BRINP1: variants seen among roughly 807,000 people sequenced by gnomAD.
BRINP1 encodes BMP/retinoic acid-inducible neural-specific protein 1.
BRINP1 carries 17 observed loss-of-function variants against 72.9 expected under a neutral mutation model. The observed-to-expected ratio is 0.23, with a 90% CI of 0.16 to 0.35. The LOEUF is 0.35. Ranked by LOEUF, BRINP1 falls within the 10% of genes least tolerant of loss-of-function variation. The pLI, the probability that BRINP1 is intolerant of heterozygous loss-of-function variation, is 1.00. For synonymous variants in BRINP1, 418 were observed against 378.5 expected (o/e 1.10, Z -1.21); for missense variants, 850 against 1,001.6 (o/e 0.85, Z 2.04).
chr9:119,250,049 A>G (rs1164426743), intron 2 of BRINP1, among the ~76,000 whole-genome samples: 265 of 68,868 alleles, frequency 3.8e-3, no homozygotes, highest in African/African-American at 0.012. Context: ...AAGGAGAGAG[A>G]GAGGGAGGGA....
In BRINP1 at chr9:119,245,759, C is replaced by T. The variant is rs947328749; in HGVS notation, c.409+3201G>A. On this transcript the variant is annotated intron_variant, in intron 3 of 7. Coordinates refer to ENST00000265922, the MANE Select transcript of BRINP1 (RefSeq NM_014618.3). The stretch of plus-strand genomic sequence containing the variant: ...GCATCTTTTAGTATTTGATTATCCC[C>T]TTGTGAACTTACCTGACATGTCGAA... Among the ~76,000 whole-genome samples, 4 of 152,150 alleles carry T rather than the reference C, an allele frequency of 2.6e-5. No homozygotes were observed. In the East Asian group the frequency reaches 5.8e-4, roughly 22 times the overall value.
At chr9:119,254,872 T>A (rs1724123378) in intron 2 of BRINP1, among the ~76,000 whole-genome samples, 1 of 152,218 alleles carries the variant, frequency 6.6e-6, no homozygotes, top group African/African-American at 2.4e-5. Context: ...ATTTGGCCTA[T>A]GGGAAATATG....
At chr9:119,249,727 C>G (rs570951400) in intron 2 of BRINP1, among the ~76,000 whole-genome samples, 28 of 151,752 alleles carry the variant, frequency 1.8e-4, no homozygotes, top group African/African-American at 6.8e-4. Flanking sequence ...TAGGCACTCC[C>G]TAACCCAGCC....
At chr9:119,323,950 C>A (rs1294689916) in intron 1 of BRINP1, among the ~76,000 whole-genome samples, 1 of 86,718 alleles carries the variant, frequency 1.2e-5, no homozygotes, top group Non-Finnish European at 3.3e-5. Context: ...AGAGGTGAAC[C>A]CCCCAAATTT....
chr9:119,202,806 A>G (rs1481273724), intron 7 of BRINP1, among the ~76,000 whole-genome samples: 1 of 152,144 alleles, frequency 6.6e-6, no homozygotes, highest in Non-Finnish European at 1.5e-5. Flanking sequence ...GTGGTCCGGA[A>G]TTATCTTGTT....
Position 119,367,221 on chromosome 9 carries a change from G to GATATATATATATATATATACATATAT in BRINP1, c.-51+1834_-51+1835insATATATGTATATATATATATATATAT, listed in dbSNP as rs10527650. Among the ~76,000 whole-genome samples, 5 of 99,850 alleles carry GATATATATATATATATATACATATAT rather than the reference G, an allele frequency of 5.0e-5. 1 individual carries two copies. Among genetic ancestry groups the GATATATATATATATATATACATATAT allele is most frequent in the African/African-American group, 1.9e-4 (5 of 25,954 alleles). 65.5% of individuals were successfully genotyped at this position (99,850 alleles called of 152,430 possible). Reference sequence around the variant, plus strand: ...TGTGTGTGTGTGTGTGTGTGTGATTGATATATATATATATATATATATCTT... The same window carrying GATATATATATATATATATACATATAT: ...TGTGTGTGTGTGTGTGTGTGTGATTGATATATATATATATATATACATATATATATATATATATATATATATATCTT... On this transcript the variant is annotated intron_variant, in intron 1 of 7. Coordinates refer to ENST00000265922, the MANE Select transcript of BRINP1 (RefSeq NM_014618.3).
intron 7 of BRINP1, among the ~76,000 whole-genome samples, chr9:119,207,442 A>G (rs1829870451): frequency 6.6e-6 from 1 of 152,088 alleles, no homozygotes; most frequent in Admixed American, 6.5e-5. Flanking sequence ...TTTTGCATCA[A>G]CCTAAAATAG....
intron 3 of BRINP1, among the ~76,000 whole-genome samples, chr9:119,244,899 C>T (rs1179447787): frequency 6.6e-6 from 1 of 152,136 alleles, no homozygotes; most frequent in Non-Finnish European, 1.5e-5. Flanking sequence ...GAAAAGGGGA[C>T]TCTCAAAGGG....
chr9:119,193,259 C>A (rs1230742872), intron 7 of BRINP1, among the ~76,000 whole-genome samples: 1 of 151,996 alleles, frequency 6.6e-6, no homozygotes, highest in Non-Finnish European at 1.5e-5. Context: ...TGATATCCTA[C>A]TGTTTGTTAC....
chr9:119,189,421 A>G (rs575838030), intron 7 of BRINP1, among the ~76,000 whole-genome samples: 4 of 152,282 alleles, frequency 2.6e-5, no homozygotes, highest in African/African-American at 9.6e-5. Context: ...GCTACCTATA[A>G]GAGACCCATT....
intron 1 of BRINP1, among the ~76,000 whole-genome samples, chr9:119,324,157 T>C (rs1201447270): frequency 6.6e-6 from 1 of 152,086 alleles, no homozygotes; most frequent in South Asian, 2.1e-4. Context: ...CCCAACTCAG[T>C]ACAAACGTCC....
intron 7 of BRINP1, among the ~76,000 whole-genome samples, chr9:119,173,678 C>T (rs1049703563): frequency 1.0e-4 from 15 of 143,538 alleles, no homozygotes; most frequent in African/African-American, 2.5e-4. Flanking sequence ...GAGCCCGCAT[C>T]GCCAAGTCAA....
intron 7 of BRINP1, among the ~76,000 whole-genome samples, chr9:119,171,081 C>G (rs1829403540): frequency 1.3e-5 from 2 of 150,496 alleles, no homozygotes; most frequent in Non-Finnish European, 2.9e-5. Context: ...AACTAACGAG[C>G]AAAATAACCA....
intron 2 of BRINP1, among the ~76,000 whole-genome samples, chr9:119,270,888 G>A (rs1588185633): frequency 6.6e-6 from 1 of 152,196 alleles, no homozygotes; most frequent in Non-Finnish European, 1.5e-5. Context: ...CTAGAGACTG[G>A]TGTTGAAATG....
chr9:119,171,892 T>G (rs1829414917), intron 7 of BRINP1, among the ~76,000 whole-genome samples: 1 of 120,902 alleles, frequency 8.3e-6, no homozygotes, highest in African/African-American at 3.8e-5. Context: ...ACTGGGTACA[T>G]AACGAAATGA....
At chr9:119,365,417 C>A (rs1831681332) in intron 1 of BRINP1, among the ~76,000 whole-genome samples, 1 of 152,180 alleles carries the variant, frequency 6.6e-6, no homozygotes, top group African/African-American at 2.4e-5. Flanking sequence ...AGTAGTTCAG[C>A]AGCCAATTTG....
intron 2 of BRINP1, among the ~76,000 whole-genome samples, chr9:119,257,880 G>A (rs1365777383): frequency 6.6e-6 from 1 of 152,104 alleles, no homozygotes; most frequent in Non-Finnish European, 1.5e-5. Flanking sequence ...TCCCCTGCCT[G>A]CCTTCATGTC....
chr9:119,242,099 T>A lies in BRINP1; in HGVS notation c.527A>T (p.Asp176Val). Reference protein sequence around the residue: ...QLASSYFVDRDGTMRRLHEIQ... With the variant: ...QLASSYFVDRVGTMRRLHEIQ... The stretch of plus-strand genomic sequence containing the variant: ...CTCATGAAGCCTCCTCATGGTACCA[T>A]CACGGTCAACAAAGTAGGATGATGC... Residue 176 changes from aspartate to valine, a missense_variant, in exon 4 of 8, where the codon GAT (aspartate) becomes GTT (valine). By Grantham distance (152) the Asp-to-Val change is radical (BLOSUM62 -3). Transcript: ENST00000265922. 1 of 1,614,146 alleles carries A rather than the reference T, an allele frequency of 6.2e-7. No individual in the cohort carries two copies. The highest frequency in any genetic ancestry group is 8.5e-7 in the Non-Finnish European group (1 of 1,180,024).
Position 119,166,661 on chromosome 9 carries a change from T to A in BRINP1, c.*423A>T, listed in dbSNP as rs1829315817. Reference sequence around the variant, plus strand: ...TAACCGAAGAAATATCTTCTTTATCTATGTCCATTTCCTCCAAAAAGGAAA... The same window carrying A: ...TAACCGAAGAAATATCTTCTTTATCAATGTCCATTTCCTCCAAAAAGGAAA... On this transcript the variant is annotated 3_prime_UTR_variant, in exon 8 of 8. Transcript: ENST00000265922. 1 of 156,666 alleles carries A rather than the reference T, an allele frequency of 6.4e-6. No homozygotes were observed. The highest frequency in any genetic ancestry group is 1.4e-5 in the Non-Finnish European group (1 of 70,970). 9.7% of individuals were successfully genotyped at this position (156,666 alleles called of 1,614,324 possible).
Sources: gnomAD v4.1 joint callset for allele counts (sites outside exome capture counted in the v4.1 genomes callset) on GRCh38, gnomAD v4.1.1 for gene constraint, MANE v1.5 for transcripts, NCBI Gene and HGNC (gene_info 2026-07-23, HGNC 2026-07-21) for gene names.